Variants in ZFHX3 observed in about 807,000 individuals in gnomAD.
ZFHX3 encodes the protein zinc finger homeobox 3, also known as zinc finger homeobox protein 3.
ZFHX3 carries 42 observed loss-of-function variants against 279.1 expected under a neutral mutation model. The observed-to-expected ratio is 0.15, with a 90% CI of 0.12 to 0.19. The LOEUF (loss-of-function observed/expected upper bound fraction) is 0.19, where lower values mean the gene tolerates loss of function less well. Ranked by LOEUF, ZFHX3 falls within the 10% of genes least tolerant of loss-of-function variation. The pLI is 1.00. For synonymous variants in ZFHX3, 2,293 were observed against 1,957.8 expected (o/e 1.17, Z -4.52); for missense variants, 4,981 against 4,754.0 (o/e 1.05, Z -1.40).
intron 2 of ZFHX3, among the ~76,000 whole-genome samples, chr16:73,548,561 GA>G (rs2020158590): frequency 6.6e-6 from 1 of 151,088 alleles, no homozygotes; most frequent in South Asian, 2.1e-4. Context: ...CGTATACAAA[GA>G]ATAAAATGTA....
chr16:73,347,085 C>A (rs1446455969), intron 3 of ZFHX3, among the ~76,000 whole-genome samples: 2 of 152,212 alleles, frequency 1.3e-5, no homozygotes, highest in Non-Finnish European at 2.9e-5. Context: ...ATCTAGGTCT[C>A]TGTGATGCCA....
chr16:73,222,509 A>G (rs974735164), intron 5 of ZFHX3, among the ~76,000 whole-genome samples: 11 of 152,178 alleles, frequency 7.2e-5, no homozygotes, highest in Admixed American at 5.2e-4. Context: ...TATAAAATTA[A>G]CAAAATATGT....
intron 2 of ZFHX3, among the ~76,000 whole-genome samples, chr16:73,541,725 C>A (rs1240905055): frequency 6.6e-6 from 1 of 150,850 alleles, no homozygotes; most frequent in South Asian, 2.1e-4. Context: ...AGTGCAGTCG[C>A]CATTCCTCCT....
At chr16:73,329,313 C>T (rs907304721) in intron 3 of ZFHX3, among the ~76,000 whole-genome samples, 4 of 152,292 alleles carry the variant, frequency 2.6e-5, no homozygotes, top group South Asian at 4.1e-4. Flanking sequence ...AGGCAGTGGG[C>T]GGTGTTGAGG....
At chr16:73,211,229 G>A (rs982098635) in intron 5 of ZFHX3, among the ~76,000 whole-genome samples, 2 of 152,158 alleles carry the variant, frequency 1.3e-5, no homozygotes, top group African/African-American at 2.4e-5. Flanking sequence ...AATGGCAATT[G>A]ACTTGCTTCT....
chr16:72,942,660 CAG>C (rs1293579745), intron 3 of ZFHX3, among the ~76,000 whole-genome samples: 4 of 152,150 alleles, frequency 2.6e-5, no homozygotes, highest in Non-Finnish European at 5.9e-5. Flanking sequence ...AATATGTCGA[CAG>C]AGTCATGAAA....
intron 1 of ZFHX3, chr16:73,815,508 G>A (rs1467599156): frequency 6.6e-6 from 1 of 151,726 alleles, no homozygotes. Context: ...TTATCCAGAA[G>A]AACCGATATG....
chr16:73,048,666 G>A (rs1042574725), upstream of ZFHX3, among the ~76,000 whole-genome samples: 1 of 152,266 alleles, frequency 6.6e-6, no homozygotes, highest in Non-Finnish European at 1.5e-5. Context: ...CCCCGTCCAC[G>A]TCACAGCCAG....
At chr16:73,476,362 A>T in intron 2 of ZFHX3, among the ~76,000 whole-genome samples, 1 of 152,202 alleles carries the variant, frequency 6.6e-6, no homozygotes, top group Admixed American at 6.5e-5. Flanking sequence ...AGAAGTTCAA[A>T]ACCACTGCAG....
chr16:73,098,456 G>A (rs1248230793), intron 7 of ZFHX3, among the ~76,000 whole-genome samples: 1 of 152,090 alleles, frequency 6.6e-6, no homozygotes, highest in African/African-American at 2.4e-5. Context: ...CTACCTCCTG[G>A]GTTCAAGTGA....
In ZFHX3 at chr16:73,108,901, G is replaced by A. The variant is rs377546993; in HGVS notation, c.-896-15303C>T. On this transcript the variant is annotated intron_variant, in intron 7 of 17. Coordinates refer to the ZFHX3 transcript ENST00000641206. ...GTGGCGATGGGGAGGGGCTCTGGCC[G>A]TTATGGGGCTGGAAACAGCAGCCCT... Among the ~76,000 whole-genome samples the A allele has an allele frequency of 3.3e-3, 496 of 152,376 alleles. 5 individuals carry two copies. The highest frequency in any genetic ancestry group is 0.022 in the South Asian group (106 of 4,832).
At chr16:73,589,317 T>A (rs2051966132) in intron 2 of ZFHX3, among the ~76,000 whole-genome samples, 1 of 138,194 alleles carries the variant, frequency 7.2e-6, no homozygotes, top group Non-Finnish European at 1.5e-5. Flanking sequence ...GCACCTGTAT[T>A]CCCAGCTGCT....
At chr16:73,032,411 AAAAGAAGAT>A (rs1964738231) in intron 1 of ZFHX3, among the ~76,000 whole-genome samples, 2 of 152,188 alleles carry the variant, frequency 1.3e-5, no homozygotes, top group African/African-American at 4.8e-5. Flanking sequence ...TACCCTTTTA[AAAAGAAGAT>A]TCAGAAAGAA....
chr16:73,665,619 G>A (rs1485031028), intron 2 of ZFHX3, among the ~76,000 whole-genome samples: 4 of 151,688 alleles, frequency 2.6e-5, no homozygotes, highest in Non-Finnish European at 5.9e-5. Flanking sequence ...ATATGGCAGT[G>A]GGATTGTGAC....
intron 2 of ZFHX3, among the ~76,000 whole-genome samples, chr16:73,656,537 C>G (rs2052722648): frequency 6.6e-6 from 1 of 152,136 alleles, no homozygotes; most frequent in Non-Finnish European, 1.5e-5. Flanking sequence ...TGGGAGCTAA[C>G]AATGACATTC....
chr16:73,758,107 C>A (rs1182901816), intron 1 of ZFHX3, among the ~76,000 whole-genome samples: 2 of 152,180 alleles, frequency 1.3e-5, no homozygotes, highest in Non-Finnish European at 2.9e-5. Flanking sequence ...ACAATTCTCT[C>A]AAATGCCTCT....
chr16:73,840,948 C>A (rs1961289100), intron 1 of ZFHX3, among the ~76,000 whole-genome samples: 1 of 152,088 alleles, frequency 6.6e-6, no homozygotes, highest in Non-Finnish European at 1.5e-5. Context: ...AATGCCTATC[C>A]CCTCCACCCC....
In ZFHX3 at chr16:72,958,484, A is replaced by G. The variant is rs138222743; in HGVS notation, c.1662T>C (p.Ser554=). 1 of 1,614,056 alleles carries G rather than the reference A, an allele frequency of 6.2e-7. No homozygotes were observed. Among genetic ancestry groups the G allele is most frequent in the African/African-American group, 1.3e-5 (1 of 74,948 alleles). The change falls in exon 2 of 10, where the codon TCT becomes TCC. Residue 554 remains serine (S), a synonymous_variant. Transcript: ENST00000268489. ...CATCAAAGACAACAAAGGAAGAAGC[A>G]GAATTAGAACTAGTAGAAGCTGTGC... ...SRGTASTSSN[S]ASSFVVFDGA...
exon 7 of ZFHX3, chr16:73,131,081 C>T (rs758418359): frequency 1.2e-6 from 1 of 866,370 alleles, no homozygotes; most frequent in Non-Finnish European, 1.7e-6. Context: ...TTCTTTGTGT[C>T]TCAGCTTCTC....
Sources: gnomAD v4.1 joint callset for allele counts (sites outside exome capture counted in the v4.1 genomes callset) on GRCh38, gnomAD v4.1.1 for gene constraint, MANE v1.5 for transcripts, NCBI Gene and HGNC (gene_info 2026-07-23, HGNC 2026-07-21) for gene names.